ZNF215: variants seen among roughly 807,000 people sequenced by gnomAD.
ZNF215 encodes the protein zinc finger protein 215, also known as BWSCR2-associated zinc finger protein 2.
Under a neutral mutation model 27.2 loss-of-function variants are expected in ZNF215, and 24 were observed. That is an observed-to-expected ratio of 0.88 (90% CI 0.64 to 1.24). The LOEUF (loss-of-function observed/expected upper bound fraction) is 1.24, where lower values mean the gene tolerates loss of function less well. Ranked by LOEUF, ZNF215 falls within the 50% of genes most tolerant of loss-of-function variation. The probability of loss-of-function intolerance (pLI) is 0.00; values close to 1 mark genes in which losing one functional copy is unlikely to be tolerated. For synonymous variants in ZNF215, 210 were observed against 204.0 expected, an observed-to-expected ratio of 1.03 and a Z score of -0.25; for missense variants, 675 against 605.7, an observed-to-expected ratio of 1.11 and a Z score of -1.20.
rs376403866 is a variant in ZNF215, at chr11:6,929,476, C to A, written c.-180+1669C>A. Among the ~76,000 whole-genome samples, 38 of 152,224 alleles carry A rather than the reference C, an allele frequency of 2.5e-4. 1 individual carries two copies. The South Asian group carries it at 7.3e-3, about 29-fold the overall frequency. The stretch of plus-strand genomic sequence containing the variant: ...TACCACATTACATTCTGTTGTCATG[C>A]CCCCTTAGGCTTCTCTTGGCTGTGA... On this transcript the variant is annotated intron_variant, in intron 2 of 6. Coordinates refer to ENST00000278319, the MANE Select transcript of ZNF215 (RefSeq NM_013250.4).
intron 6 of ZNF215, among the ~76,000 whole-genome samples, 180 bp downstream of exon 6, chr11:6,943,821 G>C (rs1016772012): frequency 6.6e-6 from 1 of 152,190 alleles, no homozygotes; most frequent in East Asian, 1.9e-4. Context: ...TGGTAAAACA[G>C]TCACATAAGG....
In ZNF215 at chr11:6,957,287, C is replaced by A. The variant is rs759264407; in HGVS notation, c.*756C>A. 2.9e-5 allele frequency: 18 copies of A among 621,780 alleles called. No individual in the cohort carries two copies. Among genetic ancestry groups the A allele is most frequent in the Non-Finnish European group, 3.4e-5 (17 of 497,960 alleles). The allele number at this position is 621,780 out of a possible 1,614,324, so 38.5% of individuals were successfully genotyped here. A position where few individuals can be genotyped will look rare whatever the true frequency, so the allele number is the denominator to read the frequency against. ...GGACACTGTGTGGAGTTCGCACACTCTCCCTATGTCTCCGGGTGCTCCAGT... is the reference window on the plus strand; with the variant it reads ...GGACACTGTGTGGAGTTCGCACACTATCCCTATGTCTCCGGGTGCTCCAGT... On this transcript the variant is annotated 3_prime_UTR_variant, in exon 7 of 7. Transcript: ENST00000278319.
chr11:6,934,664 C>T (rs1849375242), intron 3 of ZNF215, among the ~76,000 whole-genome samples: 1 of 152,210 alleles, frequency 6.6e-6, no homozygotes. Flanking sequence ...CTCACTGTCT[C>T]ACCACACTGG....
intron 2 of ZNF215, among the ~76,000 whole-genome samples, chr11:6,931,725 A>G (rs1770112118): frequency 1.3e-5 from 2 of 152,200 alleles, no homozygotes; most frequent in Admixed American, 1.3e-4. Context: ...ACTTTGGGTA[A>G]GGTTTTTCAG....
intron 6 of ZNF215, among the ~76,000 whole-genome samples, chr11:6,953,518 T>C (rs964700750): frequency 6.6e-6 from 1 of 152,246 alleles, no homozygotes; most frequent in East Asian, 1.9e-4. Flanking sequence ...TTCTTCCAGT[T>C]GATCGCATCA....
chr11:6,989,462 A>G (rs1851095451), downstream of ZNF215, among the ~76,000 whole-genome samples: 1 of 152,206 alleles, frequency 6.6e-6, no homozygotes, highest in South Asian at 2.1e-4. Flanking sequence ...CCTACCTGGA[A>G]CATCAAATGA....
At chr11:6,930,757 C>A (rs1849226332) in intron 2 of ZNF215, among the ~76,000 whole-genome samples, 1 of 152,194 alleles carries the variant, frequency 6.6e-6, no homozygotes. Flanking sequence ...ATAATTTGAT[C>A]AGATATTTTT....
intron 5 of ZNF215, among the ~76,000 whole-genome samples, chr11:6,974,958 C>T (rs568442107): frequency 7.9e-5 from 12 of 152,192 alleles, no homozygotes; most frequent in South Asian, 2.1e-4. Context: ...AGAGGGCATC[C>T]CTGTCTTGTG....
chr11:6,950,307 A>G (rs1256376716), intron 6 of ZNF215, among the ~76,000 whole-genome samples: 20 of 148,842 alleles, frequency 1.3e-4, no homozygotes, highest in Non-Finnish European at 2.1e-4. Flanking sequence ...CATTGAATCT[A>G]TAAATTACCT....
downstream of ZNF215, among the ~76,000 whole-genome samples, chr11:6,986,311 T>C (rs1360933186): frequency 6.6e-6 from 1 of 152,054 alleles, no homozygotes; most frequent in Non-Finnish European, 1.5e-5. Context: ...GATGCTGGGA[T>C]AACTGGCTAG....
At chr11:6,943,511 G>A in intron 5 of ZNF215, 35 bp from the exon 6 acceptor site, 2 of 1,536,284 alleles carry the variant, frequency 1.3e-6, no homozygotes, top group Non-Finnish European at 1.8e-6. Flanking sequence ...ATATATGTTT[G>A]TTGTTGTTGT....
chr11:6,938,200 C>T (rs1849504404), intron 3 of ZNF215, among the ~76,000 whole-genome samples: 2 of 151,786 alleles, frequency 1.3e-5, no homozygotes, highest in Admixed American at 6.6e-5. Flanking sequence ...GATATTTCTC[C>T]AAAGAAGATA....
At chr11:6,946,582 T>TC (rs1849822411) in intron 6 of ZNF215, among the ~76,000 whole-genome samples, 1 of 152,216 alleles carries the variant, frequency 6.6e-6, no homozygotes, top group African/African-American at 2.4e-5. Context: ...AGGACACTCT[T>TC]CCCCCCGTTC....
At chr11:6,930,939 C>T (rs1051440014) in intron 2 of ZNF215, among the ~76,000 whole-genome samples, 6 of 152,150 alleles carry the variant, frequency 3.9e-5, no homozygotes, top group East Asian at 1.9e-4. Context: ...GAATTATTGA[C>T]GATTTGGACT....
chr11:6,932,673 G>C lies in ZNF215; in HGVS notation c.400+1G>C. 6.3e-7 allele frequency: 1 copy of C among 1,597,242 alleles called. No individual in the cohort carries two copies. The highest frequency in any genetic ancestry group is 8.5e-7 in the Non-Finnish European group (1 of 1,172,856). ...GTGATTGAAATGCTTGAAGATGAAG[G>C]TAAGAATATAAAGAAATTAGAGGTA... On this transcript the variant is annotated splice_donor_variant, in intron 3 of 6. Coordinates refer to ENST00000278319, the MANE Select transcript of ZNF215 (RefSeq NM_013250.4). LOFTEE classifies it high-confidence loss of function.
chr11:6,990,877 A>G (rs931531439), downstream of ZNF215, among the ~76,000 whole-genome samples: 4 of 152,232 alleles, frequency 2.6e-5, no homozygotes, highest in Non-Finnish European at 5.9e-5. Context: ...TTAGTGTGGC[A>G]CTCCTGCAAA....
In ZNF215 at chr11:6,952,941, A is replaced by G. The variant is rs538391430; in HGVS notation, c.713-2749A>G. On this transcript the variant is annotated intron_variant, in intron 6 of 6. Coordinates refer to ENST00000278319, the MANE Select transcript of ZNF215 (RefSeq NM_013250.4). ...TTAGGGCAGGCCTGGTGGTGACAAA[A>G]TCTCTCAGCATTTGCTTGTCTGTGA... Among the ~76,000 whole-genome samples, 7 of 152,000 alleles carry G rather than the reference A, an allele frequency of 4.6e-5. No homozygotes were observed. The South Asian group carries it at 1.5e-3, about 32-fold the overall frequency.
At chr11:6,967,594 T>A (rs1304436412) in intron 5 of ZNF215, among the ~76,000 whole-genome samples, 2 of 152,228 alleles carry the variant, frequency 1.3e-5, no homozygotes, top group Non-Finnish European at 2.9e-5. Context: ...TTTAGCCACA[T>A]AAATGTCGTA....
At chr11:6,954,159 C>A (rs919793140) in intron 6 of ZNF215, among the ~76,000 whole-genome samples, 4 of 151,906 alleles carry the variant, frequency 2.6e-5, no homozygotes, top group Non-Finnish European at 4.4e-5. Flanking sequence ...GGAGTGCCTG[C>A]CAGTTAGGCT....
Sources: gnomAD v4.1 joint callset for allele counts (sites outside exome capture counted in the v4.1 genomes callset) on GRCh38, gnomAD v4.1.1 for gene constraint, MANE v1.5 for transcripts, NCBI Gene and HGNC (gene_info 2026-07-23, HGNC 2026-07-21) for gene names.